The following RRP12 variants were observed in gnomAD, a reference collection of about 807,000 sequenced individuals.
RRP12 encodes the protein ribosomal RNA processing 12 homolog, also known as RRP12-like protein.
A neutral mutation model predicts 157.3 loss-of-function variants in RRP12; 78 were observed. The observed-to-expected ratio is 0.50, with a 90% CI of 0.41 to 0.60. RRP12 has a LOEUF of 0.60. Ranked by LOEUF, RRP12 falls within the 20% of genes least tolerant of loss-of-function variation. RRP12 has a pLI of 0.00. For synonymous variants in RRP12, 726 were observed against 670.9 expected, an observed-to-expected ratio of 1.08 and a Z score of -1.27; for missense variants, 1,521 against 1,679.9, an observed-to-expected ratio of 0.91 and a Z score of 1.65.
At position 97,400,437 on chromosome 10, in the gene RRP12, C is replaced by T; in HGVS notation, c.237G>A (p.Met79Ile). The change falls in exon 2 of 34, where the codon ATG becomes ATA. Residue 79 changes from methionine to isoleucine, a missense_variant. Physicochemically the swap from Met to Ile is conservative, Grantham distance 10. Coordinates refer to ENST00000370992, the MANE Select transcript of RRP12 (RefSeq NM_015179.4). ...TGAGAACCAGCTCCGCCTCTTCTTC[C>T]ATGGGCGTCTCCGGGGCTTCGCTTT... ...LGKSEAPETP[M>I]EEEAELVLTE... is the part of the protein sequence containing the mutation. 1 of 1,614,194 alleles carries T rather than the reference C, an allele frequency of 6.2e-7. No individual in the cohort carries two copies. Among genetic ancestry groups the T allele is most frequent in the Non-Finnish European group, 8.5e-7 (1 of 1,180,038 alleles).
chr10:97,387,679 G>A (rs11189190), intron 8 of RRP12, among the ~76,000 whole-genome samples: 8,088 of 151,122 alleles, frequency 0.054, 273 homozygotes, highest in Non-Finnish European at 0.063. Flanking sequence ...AGTGGCTCAC[G>A]CCTGTAATCC....
chr10:97,380,741 C>A, intron 13 of RRP12, 58 bp downstream of exon 13: 1 of 1,237,510 alleles, frequency 8.1e-7, no homozygotes, highest in Non-Finnish European at 1.2e-6. Context: ...CCTCCAGGAG[C>A]CCATAGTCCA....
chr10:97,397,158 G>A (rs1313204942), intron 2 of RRP12, among the ~76,000 whole-genome samples: 1 of 151,982 alleles, frequency 6.6e-6, no homozygotes, highest in Non-Finnish European at 1.5e-5. Context: ...TTTTGTTGTT[G>A]TTGTTGTTGT....
chr10:97,385,331 C>T, intron 9 of RRP12, 74 bp from the exon 10 acceptor site: 1 of 1,159,784 alleles, frequency 8.6e-7, no homozygotes, highest in Admixed American at 1.8e-5. Context: ...CCCTTCCCAT[C>T]CTGGCACCAG....
intron 31 of RRP12, 71 bp from the exon 32 acceptor site, chr10:97,359,081 C>A: frequency 8.4e-7 from 1 of 1,195,814 alleles, no homozygotes; most frequent in Non-Finnish European, 1.2e-6. Context: ...CAATGGGCAC[C>A]CTCTCTGAGA....
At chr10:97,386,358 T>G (rs1844632838) in intron 8 of RRP12, among the ~76,000 whole-genome samples, 1 of 151,784 alleles carries the variant, frequency 6.6e-6, no homozygotes, top group South Asian at 2.1e-4. Context: ...CCTGGCCAAT[T>G]TTTTAATTTT....
Position 97,373,583 on chromosome 10 carries a change from C to A in RRP12, c.2018G>T (p.Cys673Phe). 1 of 1,599,864 alleles carries A rather than the reference C, an allele frequency of 6.3e-7. No individual in the cohort carries two copies. Among genetic ancestry groups the A allele is most frequent in the Admixed American group, 1.7e-5 (1 of 59,314 alleles). Residue 673 changes from cysteine (C) to phenylalanine (F), a missense_variant, in exon 17 of 34, where the codon TGC becomes TTC. Physicochemically the swap from Cys to Phe is radical, Grantham distance 205. Transcript: ENST00000370992. ...QALRTLITKG[C>F]QAEADRAEVS... ...CCACAGCCCACACGTACCTGCCTGG[C>A]AGCCCTTGGTGATGAGGGTGCGCAG...
intron 4 of RRP12, among the ~76,000 whole-genome samples, chr10:97,391,644 G>A (rs535314270): frequency 3.3e-5 from 5 of 150,306 alleles, no homozygotes; most frequent in Non-Finnish European, 7.4e-5. Flanking sequence ...CATTTCGGCC[G>A]GACGCAGTGG....
At chr10:97,400,643 G>T in intron 1 of RRP12, 109 bp from the exon 2 acceptor site, 3 of 840,368 alleles carry the variant, frequency 3.6e-6, no homozygotes, top group Non-Finnish European at 3.7e-6. Context: ...CCGAGAGGCT[G>T]AATTCTGAAC....
chr10:97,385,030 T>A, intron 10 of RRP12, 136 bp downstream of exon 10: 1 of 514,244 alleles, frequency 1.9e-6, no homozygotes, highest in Non-Finnish European at 3.4e-6. Context: ...ACACAGGCCC[T>A]AAGGACCCCC....
intron 4 of RRP12, among the ~76,000 whole-genome samples, chr10:97,392,695 ATT>A (rs112790671): frequency 6.9e-6 from 1 of 144,310 alleles, no homozygotes; most frequent in Non-Finnish European, 1.5e-5. Flanking sequence ...TTTTCTTTCT[ATT>A]TTTTTTTTTT....
Position 97,371,097 on chromosome 10 carries a change from C to T in RRP12, c.2344-16G>A, listed in dbSNP as rs1011364199. On this transcript the variant is annotated splice_polypyrimidine_tract_variant and intron_variant, in intron 20 of 33. Coordinates refer to ENST00000370992, the MANE Select transcript of RRP12 (RefSeq NM_015179.4). The stretch of plus-strand genomic sequence containing the variant: ...GGGCCTTGCTCTGGCAGACAGGAAC[C>T]GGTGAGGGAGGCCTGGGGCTCACTC... 5.0e-6 allele frequency: 8 copies of T among 1,611,846 alleles called. No homozygotes were observed. Among genetic ancestry groups the T allele is most frequent in the South Asian group, 3.3e-5 (3 of 90,776 alleles).
intron 30 of RRP12, among the ~76,000 whole-genome samples, chr10:97,361,008 T>C (rs143321631): frequency 6.6e-6 from 1 of 152,274 alleles, no homozygotes; most frequent in African/African-American, 2.4e-5. Context: ...GTTCTTTGCT[T>C]CACACAAACC....
intron 32 of RRP12, 76 bp downstream of exon 32, chr10:97,358,867 G>A: frequency 8.2e-7 from 1 of 1,226,686 alleles, no homozygotes. Flanking sequence ...GGACAGTGAT[G>A]GGCACAGCTC....
intron 10 of RRP12, among the ~76,000 whole-genome samples, chr10:97,384,572 G>T (rs1248831577): frequency 6.7e-6 from 1 of 150,018 alleles, no homozygotes; most frequent in South Asian, 2.1e-4. Flanking sequence ...TCAGCTGCCT[G>T]GACGGAGACC....
At chr10:97,371,936 C>A in intron 20 of RRP12, 137 bp downstream of exon 20, 1 of 609,532 alleles carries the variant, frequency 1.6e-6, no homozygotes, top group Middle Eastern at 4.5e-4. Context: ...CAAAGAGAAG[C>A]CACTGCAGGA....
rs1326579972 is a variant in RRP12 at position 97,357,140 on chromosome 10, C to T, written c.3848G>A (p.Gly1283Asp). The stretch of plus-strand genomic sequence containing the variant: ...GCGGTTTTTGTGTCCCACCTGGGAA[C>T]CTCGCCGGGCAGCCTTCACCAGGCC... ...FKGLVKAARR[G>D]SQVGHKNRRK... Residue 1283 changes from glycine to aspartate, a missense_variant, in exon 34 of 34, where the codon GGT becomes GAT. Physicochemically the swap from Gly to Asp is moderately conservative, Grantham distance 94. Coordinates refer to ENST00000370992, the MANE Select transcript of RRP12 (RefSeq NM_015179.4). 2 of 1,613,510 alleles carry T rather than the reference C, an allele frequency of 1.2e-6. No homozygotes were observed. The highest frequency in any genetic ancestry group is 3.3e-5 in the Admixed American group (2 of 59,956).
At position 97,379,652 on chromosome 10, in the gene RRP12, A is replaced by C; in HGVS notation, c.1652T>G (p.Val551Gly). 6.2e-7 allele frequency: 1 copy of C among 1,614,064 alleles called. No homozygotes were observed. Among genetic ancestry groups the C allele is most frequent in the Non-Finnish European group, 8.5e-7 (1 of 1,179,996 alleles). The change falls in exon 14 of 34, where the codon GTG becomes GGG. Residue 551 changes from valine to glycine, a missense_variant. Val to Gly is a moderately radical substitution (Grantham distance 109). Transcript: ENST00000370992. ...CTCAGAGCCATCAATTTCCAAAGGC[A>C]CAGCCTGCAGCACCACCTCAGGTCC... ...SMGPEVVLQA[V>G]PLEIDGSEET...
rs138575147 is a variant in RRP12 at position 97,372,752 on chromosome 10, T to C, written c.2233A>G (p.Ser745Gly). ...GCATGTTACCTGGTAAAGTCAGAGC[T>C]GGCAGGGTCGAGCACCTTCTCACTG... ...KASEKVLDPA[S>G]SDFTRLSVLD... The change falls in exon 19 of 34, where the codon AGC (serine) becomes GGC (glycine). Residue 745 changes from serine (S) to glycine (G), a missense_variant. Transcript: ENST00000370992. The C allele has an allele frequency of 1.1e-3, 1,655 of 1,562,178 alleles. 1 individual carries two copies. The highest frequency in any genetic ancestry group is 1.5e-3 in the Middle Eastern group (9 of 5,942).
Sources: gnomAD v4.1 joint callset for allele counts (sites outside exome capture counted in the v4.1 genomes callset) on GRCh38, gnomAD v4.1.1 for gene constraint, MANE v1.5 for transcripts, NCBI Gene and HGNC (gene_info 2026-07-23, HGNC 2026-07-21) for gene names.